The following MUC4 variants were observed in gnomAD, a reference collection of about 807,000 sequenced individuals.
MUC4 encodes the protein mucin-4.
In MUC4, 202 loss-of-function variants were observed where a neutral mutation model predicts 257.9. That is an observed-to-expected ratio of 0.78 (90% CI 0.70 to 0.88). The LOEUF (loss-of-function observed/expected upper bound fraction) is 0.88. Ranked by LOEUF, MUC4 falls within the 40% of genes least tolerant of loss-of-function variation. The probability of loss-of-function intolerance (pLI) is 0.00; values close to 1 mark genes in which losing one functional copy is unlikely to be tolerated. For synonymous variants in MUC4, 2,351 were observed against 2,757.1 expected, an observed-to-expected ratio of 0.85 and a Z score of 4.62; for missense variants, 5,976 against 6,513.7, an observed-to-expected ratio of 0.92 and a Z score of 2.84.
At position 195,771,827 on chromosome 3, in the gene MUC4, G is replaced by T; in HGVS notation, c.13078-11C>A. The T allele has an allele frequency of 2.5e-6, 4 of 1,611,898 alleles. No individual in the cohort carries two copies. In the South Asian group the frequency reaches 4.4e-5, roughly 18 times the overall value. On this transcript the variant is annotated splice_polypyrimidine_tract_variant and intron_variant, in intron 4 of 24. Transcript: ENST00000463781. ...GCCATTGTCTGTGAACTGAGCACAT[G>T]GGTTTTGTGGTCAGCATTCAGGGAG...
chr3:195,779,686 T>C lies in MUC4; in HGVS notation c.11894A>G (p.His3965Arg). 1.6e-6 allele frequency: 2 copies of C among 1,230,216 alleles called. No individual in the cohort carries two copies. The highest frequency in any genetic ancestry group is 2.0e-5 in the African/African-American group (1 of 50,932). The allele number at this position is 1,230,216 out of a possible 1,614,324, so 76.2% of individuals were successfully genotyped here. The change falls in exon 2 of 25, where the codon CAC (histidine) becomes CGC (arginine). Residue 3965 changes from histidine (H) to arginine (R), a missense_variant. Physicochemically the swap from His to Arg is conservative, Grantham distance 29. Around this residue, in one of 44 missense-constraint regions of MUC4, gnomAD observed 293 missense variants for 294.5 expected, o/e 1.00. Coordinates refer to ENST00000463781, the MANE Select transcript of MUC4 (RefSeq NM_018406.7). ...GCTGGTGACAGGAAGAGAGGTGGCG[T>C]GACCTGTGGATACTGAGGAAGTGTC... ...VTDTSSVSTG[H>R]ATSLPVTSRS...
chr3:195,747,069 C>G lies in MUC4; in HGVS notation c.*107G>C, dbSNP rs1288415688. 1 of 1,422,284 alleles carries G rather than the reference C, an allele frequency of 7.0e-7. No homozygotes were observed. Among genetic ancestry groups the G allele is most frequent in the African/African-American group, 1.4e-5 (1 of 70,888 alleles). The allele number at this position is 1,422,284 out of a possible 1,614,324, so 88.1% of individuals were successfully genotyped here. A position where few individuals can be genotyped will look rare whatever the true frequency, so the allele number is the denominator to read the frequency against. ...ATTCATTCTCCTTGAAGAATCCTGA[C>G]AGCCTTCAGTCACCTTCCCTTTTCC... On this transcript the variant is annotated 3_prime_UTR_variant, in exon 25 of 25. Transcript: ENST00000463781.
intron 14 of MUC4, among the ~76,000 whole-genome samples, 184 bp from the exon 15 acceptor site, chr3:195,761,769 G>C (rs1331331193): frequency 6.6e-6 from 1 of 152,206 alleles, no homozygotes; most frequent in Non-Finnish European, 1.5e-5. Context: ...CTTCGGGAGG[G>C]GCGGGAGGAA....
intron 19 of MUC4, 69 bp from the exon 20 acceptor site, chr3:195,753,299 C>A: frequency 6.7e-7 from 1 of 1,496,204 alleles, no homozygotes; most frequent in Non-Finnish European, 9.2e-7. Flanking sequence ...CCCGTGGAAA[C>A]CCGCTCCGGG....
chr3:195,759,236 A>G lies in MUC4; in HGVS notation c.14874T>C (p.Gly4958=), dbSNP rs1718282707. Residue 4958 remains glycine, a synonymous_variant, in exon 17 of 25, where the codon GGT becomes GGC. Coordinates refer to ENST00000463781, the MANE Select transcript of MUC4 (RefSeq NM_018406.7). ...CCTTGTAGGCTTCAATCACACGACCACCATTGATGGAGGGCGGGTACTGAT... is the reference window on the plus strand; with the variant it reads ...CCTTGTAGGCTTCAATCACACGACCGCCATTGATGGAGGGCGGGTACTGAT... The part of the protein sequence containing the change: ...TLNQYPPSIN[G]GRVIEAYKGQ... 1.2e-6 allele frequency: 2 copies of G among 1,613,854 alleles called. No individual in the cohort carries two copies. Among genetic ancestry groups the G allele is most frequent in the Admixed American group, 1.7e-5 (1 of 59,990 alleles).
rs1578251920 is a variant in MUC4 at position 195,781,592 on chromosome 3, G to A, written c.9988C>T (p.His3330Tyr). The A allele has an allele frequency of 1.9e-5, 11 of 572,640 alleles. No individual in the cohort carries two copies. Among genetic ancestry groups the A allele is most frequent in the African/African-American group, 6.3e-5 (3 of 47,404 alleles). The allele number at this position is 572,640 out of a possible 1,614,324, so 35.5% of individuals were successfully genotyped here. A position where few individuals can be genotyped will look rare whatever the true frequency, so the allele number is the denominator to read the frequency against. Residue 3330 changes from histidine to tyrosine, a missense_variant, in exon 2 of 25, where the codon CAT becomes TAT. Around this residue, in one of 44 missense-constraint regions of MUC4, gnomAD observed 72 missense variants for 33.5 expected, o/e 2.15. Coordinates refer to ENST00000463781, the MANE Select transcript of MUC4 (RefSeq NM_018406.7). ...GATGCTGAGGAAGGGCTGGTGACAT[G>A]AAGAGGGGTGGCGTGACCTGTGGAT... ...SASTGHATPLHVTSPSSASTG... is the reference protein window; with the variant it reads ...SASTGHATPLYVTSPSSASTG...
Position 195,782,995 on chromosome 3 carries a change from G to T in MUC4, c.8585C>A (p.Ala2862Asp), listed in dbSNP as rs1167824182. The T allele has an allele frequency of 2.0e-6, 3 of 1,503,716 alleles. No individual in the cohort carries two copies. Among genetic ancestry groups the T allele is most frequent in the South Asian group, 1.2e-5 (1 of 81,684 alleles). The allele number at this position is 1,503,716 out of a possible 1,614,324, so 93.1% of individuals were successfully genotyped here. ...TDASSVSTGH[A>D]TSLPVTDASS... is the part of the protein sequence containing the mutation. ...AGCGTCGGTGACAGGAAGAGAGGTG[G>T]CGTGACCTGTGGACACTGAGGAAGC... is the stretch of plus-strand genomic sequence containing the variant. The change falls in exon 2 of 25, where the codon GCC (alanine) becomes GAC (aspartate). Residue 2862 changes from alanine to aspartate, a missense_variant. Ala to Asp is a moderately radical substitution (Grantham distance 126). This residue lies in a region of MUC4 where 228 missense variants were observed against 206.3 expected (regional missense o/e 1.11). Transcript: ENST00000463781.
In MUC4 at chr3:195,789,815, T is replaced by C. The variant is rs368562838; in HGVS notation, c.1765A>G (p.Met589Val). 6.8e-6 allele frequency: 11 copies of C among 1,613,370 alleles called. No individual in the cohort carries two copies. The highest frequency in any genetic ancestry group is 8.5e-6 in the Non-Finnish European group (10 of 1,179,672). ...GATGGGGATGTGGCCGTTTTTATCA[T>C]CTGAGTCACACTGTAGCTTGGGCTG... The part of the protein sequence containing the change: ...LSSPSYSVTQ[M>V]IKTATSPSSS... Residue 589 changes from methionine (M) to valine (V), a missense_variant, in exon 2 of 25, where the codon ATG (methionine) becomes GTG (valine). Physicochemically the swap from Met to Val is conservative, Grantham distance 21 (BLOSUM62 1). Coordinates refer to ENST00000463781, the MANE Select transcript of MUC4 (RefSeq NM_018406.7).
In MUC4 at chr3:195,780,965, C is replaced by T; in HGVS notation, c.10615G>A (p.Val3539Ile). 11 of 1,460,774 alleles carry T rather than the reference C, an allele frequency of 7.5e-6. No homozygotes were observed. The highest frequency in any genetic ancestry group is 1.0e-5 in the Non-Finnish European group (11 of 1,096,076). 90.5% of individuals were successfully genotyped at this position (1,460,774 alleles called of 1,614,324 possible). The part of the protein sequence containing the change: ...VSTGHATPLP[V>I]TSLSSVSTGD... ...GTGGATACTGAGGAAAGGCTGGTGA[C>T]AGGAAGAGGCGTGGCGTGACCGGTG... The change falls in exon 2 of 25, where the codon GTC becomes ATC. Residue 3539 changes from valine to isoleucine, a missense_variant. Transcript: ENST00000463781.
At position 195,785,882 on chromosome 3, in the gene MUC4, C is replaced by T. The variant is rs1332168728; in HGVS notation, c.5698G>A (p.Gly1900Ser). The T allele has an allele frequency of 2.7e-6, 4 of 1,492,264 alleles. No individual in the cohort carries two copies. The highest frequency in any genetic ancestry group is 1.2e-5 in the South Asian group (1 of 80,160). 92.4% of individuals were successfully genotyped at this position (1,492,264 alleles called of 1,614,324 possible). The change falls in exon 2 of 25, where the codon GGT (glycine) becomes AGT (serine). Residue 1900 changes from glycine (G) to serine (S), a missense_variant. Gly to Ser is a moderately conservative substitution (Grantham distance 56). Transcript: ENST00000463781. ...GTGACATGAAGAGGGGTGGTGTCAC[C>T]TGTGGATGCTGAGTTAGTGTCGGTG... ...PVTDTNSAST[G>S]DTTPLHVTDA...
At chr3:195,802,539 C>T (rs1321028720) in intron 1 of MUC4, among the ~76,000 whole-genome samples, 1 of 152,124 alleles carries the variant, frequency 6.6e-6, no homozygotes, top group Admixed American at 6.5e-5. Flanking sequence ...GTCCTGGGGT[C>T]ACAGACTGGT....
chr3:195,751,589 A>G, intron 21 of MUC4: 1 of 471,698 alleles, frequency 2.1e-6, no homozygotes, highest in Non-Finnish European at 3.8e-6. Flanking sequence ...CCTCCTCCCC[A>G]GTATATTGAA....
intron 1 of MUC4, among the ~76,000 whole-genome samples, chr3:195,807,071 C>T (rs3103950): frequency 0.54 from 82,772 of 151,978 alleles, 23,673 homozygotes; most frequent in East Asian, 0.76. Context: ...CAGTGCCCTT[C>T]CTCCAAGCAG....
chr3:195,805,958 A>G (rs576594747), intron 1 of MUC4, among the ~76,000 whole-genome samples: 1 of 152,150 alleles, frequency 6.6e-6, no homozygotes, highest in Admixed American at 6.5e-5. Context: ...TCTACTAAAA[A>G]TACAAAAATC....
At chr3:195,792,520 T>C (rs984460114) in intron 1 of MUC4, among the ~76,000 whole-genome samples, 1 of 152,214 alleles carries the variant, frequency 6.6e-6, no homozygotes, top group Non-Finnish European at 1.5e-5. Context: ...GGAACGCTTT[T>C]ACACTGTTGG....
chr3:195,775,828 G>A (rs371598201), intron 3 of MUC4, among the ~76,000 whole-genome samples: 129 of 2,346 alleles, frequency 0.055, 8 homozygotes, highest in Middle Eastern at 0.33. Flanking sequence ...TACCTTCCAC[G>A]GTCATACCTT....
In MUC4 at chr3:195,811,929, C is replaced by A; in HGVS notation, c.-112G>T. ...TCAGGCGGCTGGCCCGAACCAAGTG[C>A]GTTTCTCCGAAGGGGCCAGGGAACC... On this transcript the variant is annotated 5_prime_UTR_variant, in exon 1 of 25. Coordinates refer to ENST00000463781, the MANE Select transcript of MUC4 (RefSeq NM_018406.7). 2.8e-6 allele frequency: 3 copies of A among 1,062,570 alleles called. No individual in the cohort carries two copies. Among genetic ancestry groups the A allele is most frequent in the Non-Finnish European group, 4.1e-6 (3 of 728,512 alleles). 65.8% of individuals were successfully genotyped at this position (1,062,570 alleles called of 1,614,324 possible). A position where few individuals can be genotyped will look rare whatever the true frequency, so the allele number is the denominator to read the frequency against.
intron 1 of MUC4, among the ~76,000 whole-genome samples, chr3:195,792,382 G>A (rs1324655154): frequency 1.3e-5 from 2 of 152,196 alleles, no homozygotes; most frequent in African/African-American, 4.8e-5. Context: ...ATGAAAAAAG[G>A]CTCATCATCA....
In MUC4 at chr3:195,771,790, G is replaced by A. The variant is rs1560274895; in HGVS notation, c.13104C>T (p.Phe4368=). Reference sequence around the variant, plus strand: ...AGAAAATCTGGTAGTCTGACTCTGGGAAGATGATCTGGCCATTGTCTGTGA... The same window carrying A: ...AGAAAATCTGGTAGTCTGACTCTGGAAAGATGATCTGGCCATTGTCTGTGA... The part of the protein sequence containing the change: ...LYFTDNGQII[F]PESDYQIFSY... Residue 4368 remains phenylalanine, a synonymous_variant, in exon 5 of 25, where the codon TTC becomes TTT. Coordinates refer to ENST00000463781, the MANE Select transcript of MUC4 (RefSeq NM_018406.7). 4 of 1,613,926 alleles carry A rather than the reference G, an allele frequency of 2.5e-6. No homozygotes were observed. Among genetic ancestry groups the A allele is most frequent in the East Asian group, 2.2e-5 (1 of 44,884 alleles).
Sources: allele counts gnomAD v4.1 joint callset (sites outside exome capture counted in the v4.1 genomes callset), GRCh38; gene constraint gnomAD v4.1.1; regional missense constraint gnomAD v4.1.1; transcripts MANE v1.5; gene names NCBI Gene and HGNC (gene_info 2026-07-23, HGNC 2026-07-21).